Variants in NSD1 observed in about 807,000 individuals in gnomAD.
The protein encoded by NSD1 is histone-lysine N-methyltransferase, H3 lysine-36 specific.
Under a neutral mutation model 242.7 loss-of-function variants are expected in NSD1, and 26 were observed. The ratio of observed to expected loss-of-function variants is 0.11; its 90% confidence interval spans 0.08 to 0.15. The LOEUF (loss-of-function observed/expected upper bound fraction) is 0.15, where lower values mean the gene tolerates loss of function less well. NSD1 is among the 10% of genes least tolerant of loss of function. The pLI is 1.00. For synonymous variants in NSD1, 1,106 were observed against 1,178.1 expected (o/e 0.94, Z 1.25); for missense variants, 2,495 against 3,272.8 (o/e 0.76, Z 5.80).
At position 177,294,312 on chromosome 5, in the gene NSD1, C is replaced by T. The variant is rs1562309406; in HGVS notation, c.6944C>T (p.Pro2315Leu). ...CAATCCTTGGTTTCCAGCCAGAGGC[C>T]ACTGGACAGGCCACCAGCAGTGGCA... ...KSQSLVSSQRPLDRPPAVAGP... is the reference protein window; with the variant it reads ...KSQSLVSSQRLLDRPPAVAGP... Residue 2315 changes from proline (P) to leucine (L), a missense_variant, in exon 23 of 23, where the codon CCA becomes CTA. Pro to Leu is a moderately conservative substitution (Grantham distance 98). Coordinates refer to ENST00000439151, the MANE Select transcript of NSD1 (RefSeq NM_022455.5). 6.2e-7 allele frequency: 1 copy of T among 1,614,212 alleles called. No individual in the cohort carries two copies. The highest frequency in any genetic ancestry group is 1.7e-5 in the Admixed American group (1 of 60,030).
At chr5:177,221,420 TC>T (rs779530051) in intron 5 of NSD1, among the ~76,000 whole-genome samples, 2 of 152,078 alleles carry the variant, frequency 1.3e-5, no homozygotes, top group Non-Finnish European at 2.9e-5. Flanking sequence ...GGTACAGTAA[TC>T]TATTTTAAGC....
intron 5 of NSD1, among the ~76,000 whole-genome samples, chr5:177,214,533 T>A (rs867214923): frequency 2.5e-4 from 38 of 152,300 alleles, no homozygotes; most frequent in Admixed American, 7.2e-4. Flanking sequence ...TCTGCTTCTG[T>A]GAATTTGATT....
intron 3 of NSD1, among the ~76,000 whole-genome samples, chr5:177,200,605 T>C (rs1292534370): frequency 6.6e-6 from 1 of 152,244 alleles, no homozygotes; most frequent in African/African-American, 2.4e-5. Context: ...TGTGTTTTTT[T>C]TCCTTATAAA....
Position 177,211,934 on chromosome 5 carries a change from G to A in NSD1, c.3535G>A (p.Glu1179Lys), listed in dbSNP as rs1763377144. The change falls in exon 5 of 23, where the codon GAG (glutamate) becomes AAG (lysine). Residue 1179 changes from glutamate to lysine, a missense_variant. Coordinates refer to ENST00000439151, the MANE Select transcript of NSD1 (RefSeq NM_022455.5). ...KPRKRMNRFK[E>K]KENSECAFRV... ...TCGTAAGCGCATGAACAGATTTAAAGAGAAAGAAAACTCTGAGTGTGCCTT... is the reference window on the plus strand; with the variant it reads ...TCGTAAGCGCATGAACAGATTTAAAAAGAAAGAAAACTCTGAGTGTGCCTT... The A allele has an allele frequency of 6.2e-7, 1 of 1,604,546 alleles. No individual in the cohort carries two copies. Among genetic ancestry groups the A allele is most frequent in the Non-Finnish European group, 8.5e-7 (1 of 1,175,406 alleles).
At chr5:177,215,950 TC>T (rs1353105508) in intron 5 of NSD1, among the ~76,000 whole-genome samples, 4 of 152,190 alleles carry the variant, frequency 2.6e-5, no homozygotes, top group Admixed American at 2.0e-4. Context: ...AGCCTCAAAC[TC>T]CTGGGCTCAA....
intron 20 of NSD1, among the ~76,000 whole-genome samples, chr5:177,287,541 CAGG>C (rs1383917041): frequency 6.6e-6 from 1 of 152,256 alleles, no homozygotes; most frequent in Non-Finnish European, 1.5e-5. Context: ...GAGGCTGAAG[CAGG>C]AGAATAGCTT....
At chr5:177,158,237 ATTTCTTTCTTTCTTTCTTTCTTTCTTTC>A (rs1166834243) in intron 2 of NSD1, among the ~76,000 whole-genome samples, 194 of 109,124 alleles carry the variant, frequency 1.8e-3, no homozygotes, top group African/African-American at 4.9e-3. Context: ...ATGGGTTCTA[ATTTCTTTCTTTCTTTCTTTCTTTCTTTC>A]TTTCTTTCTT....
chr5:177,145,645 G>A (rs1225222605), intron 2 of NSD1, among the ~76,000 whole-genome samples: 3 of 152,134 alleles, frequency 2.0e-5, no homozygotes, highest in Non-Finnish European at 4.4e-5. Context: ...GGGCGTGGTG[G>A]CTCACGCCTG....
intron 3 of NSD1, among the ~76,000 whole-genome samples, chr5:177,197,574 A>G (rs1253350187): frequency 1.3e-5 from 2 of 152,192 alleles, no homozygotes; most frequent in Non-Finnish European, 2.9e-5. Flanking sequence ...GTGAGCCAAG[A>G]TGACGCCACT....
chr5:177,185,813 A>T (rs1761103276), intron 2 of NSD1, among the ~76,000 whole-genome samples: 1 of 85,426 alleles, frequency 1.2e-5, no homozygotes, highest in Non-Finnish European at 2.0e-5. Flanking sequence ...ATATAAATTT[A>T]TATATATAAT....
intron 17 of NSD1, among the ~76,000 whole-genome samples, chr5:177,274,697 T>TTG (rs138385964): frequency 0.099 from 14,441 of 145,310 alleles, 697 homozygotes; most frequent in African/African-American, 0.12. Context: ...CACTTATCCT[T>TTG]TGTGTGTGTG....
At chr5:177,279,609 A>ATTTTTTTTTTTTTTTTT (rs1457964040) in intron 17 of NSD1, among the ~76,000 whole-genome samples, 1 of 107,790 alleles carries the variant, frequency 9.3e-6, no homozygotes, top group African/African-American at 3.8e-5. Flanking sequence ...CAGCTTTGAA[A>ATTTTTTTTTTTTTTTTT]ATTTTTTTTT....
rs1208967470 is a variant in NSD1, at chr5:177,135,744, C to T, written c.641C>T (p.Thr214Ile). The T allele has an allele frequency of 2.5e-6, 4 of 1,614,184 alleles. No homozygotes were observed. The highest frequency in any genetic ancestry group is 3.4e-6 in the Non-Finnish European group (4 of 1,180,036). The change falls in exon 2 of 23, where the codon ACA becomes ATA. Residue 214 changes from threonine (T) to isoleucine (I), a missense_variant. Coordinates refer to ENST00000439151, the MANE Select transcript of NSD1 (RefSeq NM_022455.5). ...KVAMGSEQDS[T>I]PESRHGAVKS... ...GCCATGGGAAGTGAACAAGACAGCA[C>T]ACCAGAGAGTAGACACGGTGCAGTC...
In NSD1 at chr5:177,204,129, G is replaced by A. The variant is rs1217840079; in HGVS notation, c.1073G>A (p.Arg358Gln). ...NTHSKMKVSN[R>Q]RPYRQYYVEA... is the part of the protein sequence containing the mutation. ...TCTTACCCTTACCTAGTTTCCAACC[G>A]GAGGCCCTATCGGCAGTACTACGTG... The change falls in exon 4 of 23, where the codon CGG (arginine) becomes CAG (glutamine). Residue 358 changes from arginine (R) to glutamine (Q), a missense_variant. Physicochemically the swap from Arg to Gln is conservative, Grantham distance 43. This residue lies in a region of NSD1 where 65 missense variants were observed against 136.2 expected (regional missense o/e 0.48). Coordinates refer to ENST00000439151, the MANE Select transcript of NSD1 (RefSeq NM_022455.5). The A allele has an allele frequency of 4.3e-6, 7 of 1,613,672 alleles. No homozygotes were observed. The highest frequency in any genetic ancestry group is 2.2e-5 in the South Asian group (2 of 91,060).
chr5:177,273,593 G>A (rs1758118487), intron 16 of NSD1, 79 bp from the exon 17 acceptor site: 1 of 1,181,308 alleles, frequency 8.5e-7, no homozygotes, highest in Non-Finnish European at 1.3e-6. Context: ...ACTTAAAGGG[G>A]AAAAAGTAAA....
At chr5:177,161,683 T>C (rs1758765090) in intron 2 of NSD1, among the ~76,000 whole-genome samples, 1 of 145,886 alleles carries the variant, frequency 6.9e-6, no homozygotes, top group Non-Finnish European at 1.5e-5. Context: ...TTTCTTTCTT[T>C]TTTTTTTTTT....
rs1468857930 is a variant in NSD1 at position 177,298,156 on chromosome 5, GCCCTGTGGGACGTC to G, written c.*2703_*2716del. On this transcript the variant is annotated 3_prime_UTR_variant, in exon 23 of 23. Transcript: ENST00000439151. ...AGGTGGGGAGGGAGTGGCCTTGCCA[GCCCTGTGGGACGTC>G]CCCTGAAGTTTGTAATAAGACCCCT... 2 of 233,148 alleles carry G rather than the reference GCCCTGTGGGACGTC, an allele frequency of 8.6e-6. No individual in the cohort carries two copies. The highest frequency in any genetic ancestry group is 6.0e-5 in the East Asian group (1 of 16,606). The allele number at this position is 233,148 out of a possible 1,614,324, so 14.4% of individuals were successfully genotyped here. A position where few individuals can be genotyped will look rare whatever the true frequency, so the allele number is the denominator to read the frequency against.
intron 2 of NSD1, among the ~76,000 whole-genome samples, chr5:177,176,900 T>C (rs1209572159): frequency 1.3e-5 from 2 of 152,190 alleles, no homozygotes; most frequent in Non-Finnish European, 2.9e-5. Flanking sequence ...AGAAGTGAGC[T>C]CATTAATTAA....
chr5:177,250,542 TA>T (rs1053489051), intron 11 of NSD1, among the ~76,000 whole-genome samples: 8 of 151,794 alleles, frequency 5.3e-5, no homozygotes, highest in African/African-American at 1.5e-4. Context: ...AACGTTTTCC[TA>T]TTTAAGTGCT....
Sources: gnomAD v4.1 joint callset for allele counts (sites outside exome capture counted in the v4.1 genomes callset) on GRCh38, gnomAD v4.1.1 for gene constraint, gnomAD v4.1.1 regional missense constraint, MANE v1.5 for transcripts, NCBI Gene and HGNC (gene_info 2026-07-23, HGNC 2026-07-21) for gene names.